The following SAMD5 variants were observed in gnomAD, a reference collection of about 807,000 sequenced individuals.
SAMD5 encodes the protein sterile alpha motif domain-containing protein 5.
In SAMD5, 13 loss-of-function variants were observed where a neutral mutation model predicts 11.3. The ratio of observed to expected loss-of-function variants is 1.15; its 90% confidence interval spans 0.75 to 1.83. The LOEUF (loss-of-function observed/expected upper bound fraction) is 1.83. SAMD5 is among the 40% of genes most tolerant of loss of function. The pLI, the probability that SAMD5 is intolerant of heterozygous loss-of-function variation, is 0.00. For synonymous variants in SAMD5, 129 were observed against 111.3 expected (o/e 1.16, Z -1.00); for missense variants, 255 against 239.1 (o/e 1.07, Z -0.44).
chr6:147,598,988 T>TGAA (rs1789576918), intron 1 of SAMD5, among the ~76,000 whole-genome samples: 1 of 152,212 alleles, frequency 6.6e-6, no homozygotes. Flanking sequence ...TGTTCAGTAA[T>TGAA]GAACGCTGAC....
At chr6:147,533,517 A>ACAT (rs982691567) in intron 1 of SAMD5, among the ~76,000 whole-genome samples, 12 of 151,954 alleles carry the variant, frequency 7.9e-5, no homozygotes, top group African/African-American at 2.9e-4. Flanking sequence ...TTCTAGTCTG[A>ACAT]CATCAGGAAG....
the SAMD5 span, among the ~76,000 whole-genome samples, chr6:147,875,402 T>C: frequency 6.6e-6 from 1 of 152,138 alleles, no homozygotes; most frequent in Non-Finnish European, 1.5e-5. Flanking sequence ...TGACCTTCTT[T>C]ACACCCCCAC....
chr6:147,788,246 G>T, the SAMD5 span, among the ~76,000 whole-genome samples: 1 of 152,138 alleles, frequency 6.6e-6, no homozygotes, highest in East Asian at 1.9e-4. Context: ...TATACATATT[G>T]CACGTATAAT....
the SAMD5 span, among the ~76,000 whole-genome samples, chr6:147,812,905 C>T: frequency 6.6e-6 from 1 of 152,080 alleles, no homozygotes; most frequent in Non-Finnish European, 1.5e-5. Flanking sequence ...ACTTTTAATT[C>T]GTTTGTCAAT....
At chr6:147,838,055 T>C in the SAMD5 span, among the ~76,000 whole-genome samples, 4 of 152,170 alleles carry the variant, frequency 2.6e-5, no homozygotes, top group Non-Finnish European at 4.4e-5. Flanking sequence ...TATCAAAATA[T>C]GTATATTGTT....
At chr6:147,822,762 T>G in the SAMD5 span, among the ~76,000 whole-genome samples, 530 of 152,292 alleles carry the variant, frequency 3.5e-3, 3 homozygotes, top group African/African-American at 0.011. Flanking sequence ...GTACTCCAAG[T>G]GAGTGACTGA....
intron 1 of SAMD5, among the ~76,000 whole-genome samples, chr6:147,725,493 A>C: frequency 6.6e-6 from 1 of 151,100 alleles, no homozygotes; most frequent in South Asian, 2.1e-4. Flanking sequence ...GGTTCAAGCA[A>C]TTCTTCTGCC....
chr6:147,508,907 C>T lies in SAMD5; in HGVS notation c.-22C>T, dbSNP rs1406539887. On this transcript the variant is annotated 5_prime_UTR_variant, in exon 1 of 2. Transcript: ENST00000367474. ...ATTTGGGCGCTGGGAAGGTGCTCGG[C>T]GGCGGGGTTCCCGGTCCCACCATGT... is the stretch of plus-strand genomic sequence containing the variant. 3.2e-6 allele frequency: 5 copies of T among 1,584,106 alleles called. No homozygotes were observed. The highest frequency in any genetic ancestry group is 4.3e-6 in the Non-Finnish European group (5 of 1,166,486).
At chr6:147,912,459 C>G in the SAMD5 span, among the ~76,000 whole-genome samples, 1 of 149,710 alleles carries the variant, frequency 6.7e-6, no homozygotes, top group Non-Finnish European at 1.5e-5. Flanking sequence ...AGTGAACAAG[C>G]TGCTTAACTT....
At chr6:147,590,269 A>G (rs1411422362) in intron 1 of SAMD5, among the ~76,000 whole-genome samples, 3 of 152,128 alleles carry the variant, frequency 2.0e-5, no homozygotes, top group Non-Finnish European at 4.4e-5. Flanking sequence ...GCCCATACCT[A>G]TCTCCACAAA....
the SAMD5 span, among the ~76,000 whole-genome samples, chr6:147,932,639 T>TGTGTG: frequency 1.2e-5 from 1 of 85,224 alleles, no homozygotes; most frequent in Non-Finnish European, 2.5e-5. Flanking sequence ...TGTGTGTGTG[T>TGTGTG]TGGGGGAGGG....
chr6:147,550,085 A>C (rs1583078201), intron 1 of SAMD5, among the ~76,000 whole-genome samples: 1 of 151,742 alleles, frequency 6.6e-6, no homozygotes, highest in African/African-American at 2.4e-5. Context: ...GTCTCTAAAA[A>C]AATAAAAACA....
At chr6:147,645,364 GA>G (rs1790382082) in intron 1 of SAMD5, among the ~76,000 whole-genome samples, 1 of 152,132 alleles carries the variant, frequency 6.6e-6, no homozygotes, top group Admixed American at 6.6e-5. Flanking sequence ...TCATTCTCAA[GA>G]AATACTGTCC....
At chr6:147,572,470 C>T (rs112197070), downstream of SAMD5, among the ~76,000 whole-genome samples, 528 of 152,116 alleles carry the variant, frequency 3.5e-3, 2 homozygotes, top group Non-Finnish European at 5.4e-3. Flanking sequence ...TGAAAGCACA[C>T]GAAAAATACT....
At chr6:147,803,787 A>G in the SAMD5 span, among the ~76,000 whole-genome samples, 4 of 152,180 alleles carry the variant, frequency 2.6e-5, no homozygotes, top group African/African-American at 9.7e-5. Context: ...CACATGTACT[A>G]CGCACACTGC....
chr6:147,798,979 A>G, the SAMD5 span, among the ~76,000 whole-genome samples: 605 of 152,176 alleles, frequency 4.0e-3, 4 homozygotes, highest in African/African-American at 0.014. Context: ...CGTGAGATGG[A>G]TTTCCTGAAT....
At chr6:147,643,752 G>GGAAA (rs1187465191) in intron 1 of SAMD5, among the ~76,000 whole-genome samples, 3 of 126,034 alleles carry the variant, frequency 2.4e-5, no homozygotes, top group African/African-American at 9.6e-5. Context: ...AAAGAAGGAA[G>GGAAA]GAAGGAAGGA....
chr6:147,759,294 G>A, the SAMD5 span, among the ~76,000 whole-genome samples: 1 of 152,092 alleles, frequency 6.6e-6, no homozygotes, highest in Non-Finnish European at 1.5e-5. Flanking sequence ...TTACTGTATT[G>A]CGTTACCATC....
the SAMD5 span, among the ~76,000 whole-genome samples, chr6:147,933,631 G>A: frequency 3.3e-5 from 5 of 151,270 alleles, no homozygotes; most frequent in East Asian, 1.9e-4. Flanking sequence ...GGTCCCTTTC[G>A]ATTCCAAACA....
Sources: gnomAD v4.1 joint callset for allele counts (sites outside exome capture counted in the v4.1 genomes callset) on GRCh38, gnomAD v4.1.1 for gene constraint, MANE v1.5 for transcripts, NCBI Gene and HGNC (gene_info 2026-07-23, HGNC 2026-07-21) for gene names.